The following MED13 variants were observed in gnomAD, a reference collection of about 807,000 sequenced individuals.
MED13 encodes mediator of RNA polymerase II transcription subunit 13.
A neutral mutation model predicts 225.2 loss-of-function variants in MED13; 23 were observed. The observed-to-expected ratio is 0.10, with a 90% CI of 0.07 to 0.14. The LOEUF (loss-of-function observed/expected upper bound fraction) is 0.14, where lower values mean the gene tolerates loss of function less well. Among genes scored for constraint, MED13 ranks in the 10% least tolerant of loss-of-function variants. The pLI is 1.00. For synonymous variants in MED13, 942 were observed against 889.2 expected (o/e 1.06, Z -1.06); for missense variants, 2,197 against 2,594.5 (o/e 0.85, Z 3.33).
At chr17:61,998,634 C>T (rs1352754004) in intron 9 of MED13, among the ~76,000 whole-genome samples, 1 of 130,980 alleles carries the variant, frequency 7.6e-6, no homozygotes, top group Non-Finnish European at 1.5e-5. Context: ...CAAGGTCTTG[C>T]TGTCACCCAG....
rs184910197 is a variant in MED13 at position 61,985,581 on chromosome 17, G to C, written c.2386-491C>G. 3.5e-3 allele frequency among the ~76,000 whole-genome samples: 531 copies of C among 152,298 alleles called. 4 individuals carry two copies. The highest frequency in any genetic ancestry group is 0.012 in the African/African-American group (496 of 41,550). On this transcript the variant is annotated intron_variant, in intron 12 of 29. Coordinates refer to ENST00000397786, the MANE Select transcript of MED13 (RefSeq NM_005121.3). ...AGCTACTCGGGAGGCTGAGGCACAAGAATTGCTTGAGCCTGGGAGGCAGAG... is the reference window on the plus strand; with the variant it reads ...AGCTACTCGGGAGGCTGAGGCACAACAATTGCTTGAGCCTGGGAGGCAGAG...
At chr17:61,952,582 G>C (rs1372659034) in intron 27 of MED13, among the ~76,000 whole-genome samples, 1 of 152,192 alleles carries the variant, frequency 6.6e-6, no homozygotes. Context: ...TGATGTCCAT[G>C]ATGTAGAAAT....
chr17:61,983,495 A>T (rs570250518), intron 15 of MED13, among the ~76,000 whole-genome samples: 1 of 152,328 alleles, frequency 6.6e-6, no homozygotes, highest in African/African-American at 2.4e-5. Context: ...GTAAAAAGGG[A>T]AAAATGGTAA....
At chr17:61,980,675 C>T (rs1262144926) in intron 16 of MED13, among the ~76,000 whole-genome samples, 1 of 152,194 alleles carries the variant, frequency 6.6e-6, no homozygotes, top group Non-Finnish European at 1.5e-5. Flanking sequence ...ACCTAAGCTA[C>T]TGAAACTGCC....
intron 1 of MED13, 126 bp downstream of exon 1, chr17:62,065,014 C>G: frequency 1.3e-6 from 1 of 761,274 alleles, no homozygotes; most frequent in Non-Finnish European, 1.9e-6. Context: ...CTTCGCAGGG[C>G]GCCGGCTCCG....
At chr17:62,002,070 A>G (rs1007849194) in intron 9 of MED13, among the ~76,000 whole-genome samples, 3 of 152,238 alleles carry the variant, frequency 2.0e-5, no homozygotes, top group Non-Finnish European at 4.4e-5. Flanking sequence ...GAAATTCACC[A>G]ATTTACTAAT....
At chr17:62,031,994 TA>T (rs2080761761) in intron 5 of MED13, among the ~76,000 whole-genome samples, 1 of 152,082 alleles carries the variant, frequency 6.6e-6, no homozygotes, top group Non-Finnish European at 1.5e-5. Flanking sequence ...TGTTTAAGTT[TA>T]ACAAAGGTAA....
chr17:61,975,027 G>A (rs189735510), intron 16 of MED13, among the ~76,000 whole-genome samples: 54 of 152,174 alleles, frequency 3.5e-4, no homozygotes, highest in African/African-American at 1.2e-3. Flanking sequence ...AAGAAGCTGA[G>A]TGTGATAGTA....
chr17:61,949,877 G>A (rs1164375219), intron 28 of MED13, among the ~76,000 whole-genome samples: 1 of 151,926 alleles, frequency 6.6e-6, no homozygotes, highest in Non-Finnish European at 1.5e-5. Context: ...TAGAAACGGG[G>A]TCTCACCATG....
At chr17:61,981,876 A>G (rs1330282190) in intron 16 of MED13, among the ~76,000 whole-genome samples, 1 of 152,270 alleles carries the variant, frequency 6.6e-6, no homozygotes, top group Non-Finnish European at 1.5e-5. Context: ...GGCACATACA[A>G]GGTGCCCAGT....
chr17:62,051,863 T>A (rs776586831), intron 3 of MED13, among the ~76,000 whole-genome samples: 13 of 152,192 alleles, frequency 8.5e-5, no homozygotes, highest in Non-Finnish European at 1.8e-4. Flanking sequence ...GCTGGGAACT[T>A]AAATCTTTTG....
At position 61,983,151 on chromosome 17, in the gene MED13, T is replaced by C. The variant is rs760858250; in HGVS notation, c.2889-37A>G. The C allele has an allele frequency of 4.1e-6, 6 of 1,463,822 alleles. No homozygotes were observed. The African/African-American group carries it at 5.7e-5, about 14-fold the overall frequency. 90.7% of individuals were successfully genotyped at this position (1,463,822 alleles called of 1,614,324 possible). ...AGGGTAAAAGAAGATCAAATATATA[T>C]ATAAAGGAACATATTAGTAATGTGA... is the stretch of plus-strand genomic sequence containing the variant. On this transcript the variant is annotated intron_variant, in intron 15 of 29. Coordinates refer to ENST00000397786, the MANE Select transcript of MED13 (RefSeq NM_005121.3).
chr17:62,052,099 A>G (rs766034573), intron 3 of MED13, among the ~76,000 whole-genome samples: 2 of 152,024 alleles, frequency 1.3e-5, no homozygotes, highest in Admixed American at 1.3e-4. Flanking sequence ...ACTTTAATTA[A>G]AGGGAATTGA....
intron 3 of MED13, among the ~76,000 whole-genome samples, chr17:62,040,475 T>C (rs1397239312): frequency 6.6e-6 from 1 of 152,238 alleles, no homozygotes; most frequent in Non-Finnish European, 1.5e-5. Flanking sequence ...AATGAAGACG[T>C]GCTTATAGAT....
At chr17:62,048,518 T>C (rs1329099966) in intron 3 of MED13, among the ~76,000 whole-genome samples, 1 of 151,984 alleles carries the variant, frequency 6.6e-6, no homozygotes, top group Non-Finnish European at 1.5e-5. Flanking sequence ...GGTCCACTCT[T>C]TGAAATGGTT....
chr17:61,954,245 TGA>T (rs555902022), intron 26 of MED13, among the ~76,000 whole-genome samples: 81 of 152,342 alleles, frequency 5.3e-4, no homozygotes, highest in Non-Finnish European at 9.8e-4. Context: ...TTTAGAGATG[TGA>T]GAGTTTTTAA....
At chr17:62,051,993 A>G (rs942561846) in intron 3 of MED13, among the ~76,000 whole-genome samples, 2 of 152,226 alleles carry the variant, frequency 1.3e-5, no homozygotes, top group African/African-American at 4.8e-5. Flanking sequence ...AACTAGTCTA[A>G]TAAGTAGTGT....
At chr17:62,061,192 T>C (rs1045528757) in intron 2 of MED13, among the ~76,000 whole-genome samples, 5 of 152,106 alleles carry the variant, frequency 3.3e-5, no homozygotes, top group African/African-American at 7.2e-5. Context: ...CTAACTTTAA[T>C]AGTCTTTTAA....
rs1400846670 is a variant in MED13, at chr17:61,946,489, G to A, written c.6504C>T (p.Asn2168=). 3.1e-6 allele frequency: 5 copies of A among 1,613,748 alleles called. 1 individual carries two copies. The South Asian group carries it at 3.3e-5, about 11-fold the overall frequency. The part of the protein sequence containing the change: ...IHFVVLNQLY[N]FIMNML ...AAGATCACAGCATATTCATAATAAA[G>A]TTATATAACTGATTCAGCACCACAA... Residue 2168 remains asparagine (N), a synonymous_variant, in exon 30 of 30, where the codon AAC becomes AAT. Coordinates refer to ENST00000397786, the MANE Select transcript of MED13 (RefSeq NM_005121.3).
Sources: allele counts gnomAD v4.1 joint callset (sites outside exome capture counted in the v4.1 genomes callset), GRCh38; gene constraint gnomAD v4.1.1; transcripts MANE v1.5; gene names NCBI Gene and HGNC (gene_info 2026-07-23, HGNC 2026-07-21).